Variants in BLK observed in about 807,000 individuals in gnomAD.
The protein encoded by BLK is tyrosine-protein kinase Blk.
In BLK, 64 loss-of-function variants were observed where a neutral mutation model predicts 61.8. That is an observed-to-expected ratio of 1.03 (90% CI 0.85 to 1.27). BLK has a LOEUF of 1.27. Ranked by LOEUF, BLK falls within the 50% of genes most tolerant of loss-of-function variation. BLK has a pLI of 0.00. For synonymous variants in BLK, 351 were observed against 272.0 expected, an observed-to-expected ratio of 1.29 and a Z score of -2.86; for missense variants, 853 against 660.5, an observed-to-expected ratio of 1.29 and a Z score of -3.19.
At chr8:11,505,821 G>C (rs1019394773) in intron 1 of BLK, among the ~76,000 whole-genome samples, 1 of 152,162 alleles carries the variant, frequency 6.6e-6, no homozygotes, top group Non-Finnish European at 1.5e-5. Context: ...GGGCCCATCT[G>C]TCCTGTCCCT....
chr8:11,502,127 CAGTT>C (rs1458389059), intron 1 of BLK, among the ~76,000 whole-genome samples: 1 of 152,144 alleles, frequency 6.6e-6, no homozygotes, highest in African/African-American at 2.4e-5. Flanking sequence ...TAGACACAGT[CAGTT>C]AAAGAACCTC....
chr8:11,563,749 C>T (rs1310657183), intron 12 of BLK, among the ~76,000 whole-genome samples, 154 bp from the exon 13 acceptor site: 1 of 152,372 alleles, frequency 6.6e-6, no homozygotes, highest in African/African-American at 2.4e-5. Context: ...AGAGACCGGG[C>T]AGCCAGGCAA....
intron 1 of BLK, among the ~76,000 whole-genome samples, chr8:11,503,797 G>A (rs149563516): frequency 6.6e-6 from 1 of 152,100 alleles, no homozygotes; most frequent in African/African-American, 2.4e-5. Flanking sequence ...TGAGGCTGCT[G>A]GCTGCCCTGG....
intron 1 of BLK, among the ~76,000 whole-genome samples, chr8:11,498,638 C>G (rs1291160751): frequency 6.6e-6 from 1 of 152,162 alleles, no homozygotes; most frequent in Non-Finnish European, 1.5e-5. Context: ...CCAGAGGGCT[C>G]CAGTGCAAGG....
At chr8:11,511,311 G>A (rs927389316) in intron 1 of BLK, among the ~76,000 whole-genome samples, 1 of 152,066 alleles carries the variant, frequency 6.6e-6, no homozygotes, top group African/African-American at 2.4e-5. Flanking sequence ...GGAGAGCGGG[G>A]AGGGATAGCA....
chr8:11,503,513 C>A (rs1053303660), intron 1 of BLK, among the ~76,000 whole-genome samples: 2 of 152,188 alleles, frequency 1.3e-5, no homozygotes, highest in Non-Finnish European at 2.9e-5. Flanking sequence ...TCTGCTCCAT[C>A]CTGTGCCCAA....
intron 6 of BLK, among the ~76,000 whole-genome samples, chr8:11,551,424 C>G (rs1306303637): frequency 6.6e-6 from 1 of 152,196 alleles, no homozygotes; most frequent in African/African-American, 2.4e-5. Flanking sequence ...GGACACCTGT[C>G]AATTTGGATT....
chr8:11,536,761 A>G (rs1800149532), intron 1 of BLK, among the ~76,000 whole-genome samples: 1 of 151,772 alleles, frequency 6.6e-6, no homozygotes, highest in Non-Finnish European at 1.5e-5. Flanking sequence ...GTTTTCATCT[A>G]AAAAAATCTG....
chr8:11,549,182 G>T, intron 5 of BLK, 60 bp downstream of exon 5: 1 of 1,469,758 alleles, frequency 6.8e-7, no homozygotes, highest in South Asian at 1.2e-5. Flanking sequence ...TGCTCCCTGG[G>T]CTGTTAGGCA....
At chr8:11,506,936 G>T (rs1190872522) in intron 1 of BLK, among the ~76,000 whole-genome samples, 1 of 152,218 alleles carries the variant, frequency 6.6e-6, no homozygotes, top group Non-Finnish European at 1.5e-5. Flanking sequence ...CTGAAAGCAG[G>T]AAAGTTCTTT....
intron 10 of BLK, chr8:11,558,410 A>C: frequency 2.7e-6 from 1 of 363,890 alleles, no homozygotes; most frequent in South Asian, 2.1e-5. Flanking sequence ...TTGTGACCTC[A>C]TCTCTTCCTT....
chr8:11,547,120 C>T (rs1800682861), intron 3 of BLK, among the ~76,000 whole-genome samples: 1 of 152,264 alleles, frequency 6.6e-6, no homozygotes, highest in Admixed American at 6.5e-5. Flanking sequence ...ACACAGAGCC[C>T]AGCTCTGTCC....
intron 1 of BLK, among the ~76,000 whole-genome samples, chr8:11,540,311 GCTAT>G (rs1206478902): frequency 1.3e-5 from 2 of 152,004 alleles, no homozygotes; most frequent in African/African-American, 2.4e-5. Context: ...GAATTAAAAT[GCTAT>G]CTTTTTCACA....
At chr8:11,562,897 G>GC in intron 11 of BLK, 82 bp from the exon 12 acceptor site, 1 of 1,590,570 alleles carries the variant, frequency 6.3e-7, no homozygotes, top group Non-Finnish European at 8.6e-7. Context: ...TGGAAGGACA[G>GC]CAGGAGCAGG....
chr8:11,553,811 T>G (rs757868472), intron 6 of BLK, among the ~76,000 whole-genome samples: 4 of 151,970 alleles, frequency 2.6e-5, no homozygotes, highest in African/African-American at 4.8e-5. Context: ...TGAGGGAAAC[T>G]GGAGGATGGA....
chr8:11,503,808 G>T (rs1029229036), intron 1 of BLK, among the ~76,000 whole-genome samples: 1 of 152,142 alleles, frequency 6.6e-6, no homozygotes, highest in African/African-American at 2.4e-5. Flanking sequence ...GCTGCCCTGG[G>T]CTCGCAGTGA....
intron 6 of BLK, among the ~76,000 whole-genome samples, chr8:11,550,543 C>T (rs1471955072): frequency 2.6e-5 from 4 of 152,364 alleles, no homozygotes; most frequent in East Asian, 1.9e-4. Context: ...GCAGGAACAC[C>T]GAGGCCAGTG....
At position 11,542,208 on chromosome 8, in the gene BLK, A is replaced by T. The variant is rs553760233; in HGVS notation, c.-1-1016A>T. On this transcript the variant is annotated intron_variant, in intron 1 of 12. Coordinates refer to ENST00000259089, the MANE Select transcript of BLK (RefSeq NM_001715.3). ...TATGTATCACTAAAAGAGAAAAAAA[A>T]TGCTGCTACTAGTTATACTGCAAAG... 2.2e-4 allele frequency among the ~76,000 whole-genome samples: 33 copies of T among 152,374 alleles called. No homozygotes were observed. In the East Asian group the frequency reaches 5.2e-3, roughly 24 times the overall value.
intron 6 of BLK, among the ~76,000 whole-genome samples, chr8:11,551,250 A>T (rs1800888305): frequency 6.6e-6 from 1 of 152,212 alleles, no homozygotes; most frequent in African/African-American, 2.4e-5. Context: ...CCACCACAGA[A>T]GCTTATTATC....
Sources: allele counts gnomAD v4.1 joint callset (sites outside exome capture counted in the v4.1 genomes callset), GRCh38; gene constraint gnomAD v4.1.1; transcripts MANE v1.5; gene names NCBI Gene and HGNC (gene_info 2026-07-23, HGNC 2026-07-21).